The following TTLL13 variants were observed in gnomAD, a reference collection of about 807,000 sequenced individuals.
TTLL13 encodes tubulin polyglutamylase TTLL13.
the TTLL13 span, chr15:90,263,004 A>C: frequency 2.0e-6 from 3 of 1,535,998 alleles, no homozygotes; most frequent in Non-Finnish European, 2.6e-6. Context: ...GGCCTCAAGA[A>C]ATTGTGGAAG....
the TTLL13 span, among the ~76,000 whole-genome samples, chr15:90,251,280 A>ATTTTTTCT: frequency 9.1e-6 from 1 of 109,518 alleles, no homozygotes; most frequent in African/African-American, 3.6e-5. Flanking sequence ...CGCATGGCAA[A>ATTTTTTCT]TTTTTTTTTT....
the TTLL13 span, chr15:90,259,096 C>T: frequency 7.1e-7 from 1 of 1,416,018 alleles, no homozygotes; most frequent in South Asian, 1.4e-5. Flanking sequence ...GGCTTGGTGG[C>T]TCATATCTGT....
chr15:90,262,481 T>C, the TTLL13 span: 5 of 1,471,304 alleles, frequency 3.4e-6, no homozygotes, highest in Non-Finnish European at 4.5e-6. Context: ...GAAGCTGCTG[T>C]GTCTTGTCAG....
chr15:90,262,827 G>C, the TTLL13 span: 1 of 1,238,556 alleles, frequency 8.1e-7, no homozygotes, highest in Non-Finnish European at 1.1e-6. Context: ...GATGAAGTGA[G>C]AGAATGGACA....
chr15:90,256,589 CTTTCTTTCTTTCTTT>C, the TTLL13 span, among the ~76,000 whole-genome samples: 23 of 34,848 alleles, frequency 6.6e-4, no homozygotes, highest in South Asian at 1.5e-3. Context: ...TTCTTTCTTT[CTTTCTTTCTTTCTTT>C]CTTTCCTTCC....
chr15:90,257,864 T>C, the TTLL13 span: 4 of 960,710 alleles, frequency 4.2e-6, no homozygotes, highest in East Asian at 1.0e-4. Context: ...GCCTGCACTT[T>C]GGAGCTCTAA....
the TTLL13 span, chr15:90,251,445 T>G: frequency 8.5e-7 from 1 of 1,179,104 alleles, no homozygotes; most frequent in Non-Finnish European, 1.3e-6. Flanking sequence ...GTCTTTTAAG[T>G]GGCTTCTAGA....
At chr15:90,256,546 TTTC>T in the TTLL13 span, among the ~76,000 whole-genome samples, 6 of 18,274 alleles carry the variant, frequency 3.3e-4, no homozygotes, top group African/African-American at 5.5e-4. Flanking sequence ...CTCCTTCCTT[TTTC>T]TTTCTTTCTT....
At chr15:90,254,707 C>T in the TTLL13 span, among the ~76,000 whole-genome samples, 4 of 151,494 alleles carry the variant, frequency 2.6e-5, no homozygotes, top group South Asian at 2.1e-4. Flanking sequence ...ATTAGCCAGG[C>T]GTAGTGGTGC....
At chr15:90,253,313 C>T in the TTLL13 span, 1 of 1,613,702 alleles carries the variant, frequency 6.2e-7, no homozygotes, top group South Asian at 1.1e-5. Flanking sequence ...GGACTCTGTA[C>T]TGGACAGACT....
the TTLL13 span, chr15:90,265,060 T>C: frequency 7.0e-7 from 1 of 1,419,602 alleles, no homozygotes; most frequent in Non-Finnish European, 9.3e-7. Flanking sequence ...TGCCACCAAG[T>C]TCCACTTTGA....
At chr15:90,263,580 A>G in the TTLL13 span, 71 of 569,790 alleles carry the variant, frequency 1.2e-4, no homozygotes, top group South Asian at 1.6e-3. Context: ...CTGGGCTGGT[A>G]GCAAACCTGT....
the TTLL13 span, chr15:90,264,153 T>C: frequency 5.4e-6 from 4 of 735,604 alleles, no homozygotes; most frequent in Admixed American, 1.0e-4. Context: ...ATATGGCACT[T>C]CCACCAGTGT....
the TTLL13 span, chr15:90,251,617 A>G: frequency 6.2e-7 from 1 of 1,612,246 alleles, no homozygotes; most frequent in East Asian, 2.2e-5. Context: ...CCCGTCGCTC[A>G]CACTGTGGTG....
At chr15:90,263,144 G>A in the TTLL13 span, 306 of 1,523,892 alleles carry the variant, frequency 2.0e-4, no homozygotes, top group African/African-American at 3.3e-3. Flanking sequence ...CATGAGAGTC[G>A]GGTGAGGGTC....
chr15:90,258,428 T>C, the TTLL13 span: 1 of 691,242 alleles, frequency 1.4e-6, no homozygotes, highest in South Asian at 1.8e-5. Flanking sequence ...ATCTCTACCC[T>C]TTTGACCTGC....
the TTLL13 span, among the ~76,000 whole-genome samples, chr15:90,252,368 A>G: frequency 6.6e-6 from 1 of 151,772 alleles, no homozygotes; most frequent in Non-Finnish European, 1.5e-5. Context: ...TTTTGTAGAG[A>G]CAGAGTCTTG....
chr15:90,263,977 G>T, the TTLL13 span: 2 of 1,536,058 alleles, frequency 1.3e-6, no homozygotes, highest in African/African-American at 2.7e-5. Flanking sequence ...AGGAGAGCCG[G>T]CAGCCATCAA....
the TTLL13 span, chr15:90,251,564 A>G: frequency 6.2e-7 from 1 of 1,613,920 alleles, no homozygotes; most frequent in Non-Finnish European, 8.5e-7. Context: ...ATCACTGGCC[A>G]TCAACCTGAC....
Sources: gnomAD v4.1 joint callset for allele counts (sites outside exome capture counted in the v4.1 genomes callset) on GRCh38, gnomAD v4.1.1 for gene constraint, MANE v1.5 for transcripts, NCBI Gene and HGNC (gene_info 2026-07-23, HGNC 2026-07-21) for gene names.